The following ALS2 variants were observed in gnomAD, a reference collection of about 807,000 sequenced individuals.
ALS2 encodes alsin Rho guanine nucleotide exchange factor ALS2, also known as alsin.
In ALS2, 117 loss-of-function variants were observed where a neutral mutation model predicts 203.4. The ratio of observed to expected loss-of-function variants is 0.58; its 90% CI spans 0.50 to 0.67. ALS2 has a LOEUF of 0.67. Among genes scored for constraint, ALS2 ranks in the 30% least tolerant of loss-of-function variants. The pLI, the probability that ALS2 is intolerant of heterozygous loss-of-function variation, is 0.00. For missense variants in ALS2, 1,715 were observed against 1,989.4 expected (o/e 0.86, Z 2.62); for synonymous variants, 718 against 725.9 (o/e 0.99, Z 0.17).
intron 1 of ALS2, among the ~76,000 whole-genome samples, chr2:201,775,158 G>C (rs1411890165): frequency 6.6e-6 from 1 of 152,180 alleles, no homozygotes; most frequent in Non-Finnish European, 1.5e-5. Context: ...TAATAGGTGA[G>C]TAAACTGTAT....
intron 5 of ALS2, among the ~76,000 whole-genome samples, chr2:201,756,294 A>G (rs1693380573): frequency 6.6e-6 from 1 of 151,086 alleles, no homozygotes; most frequent in South Asian, 2.1e-4. Context: ...CTTCTTATAC[A>G]TCATATATAT....
At chr2:201,722,640 C>G (rs1469934000) in intron 23 of ALS2, 1 of 168,498 alleles carries the variant, frequency 5.9e-6, no homozygotes. Flanking sequence ...CACTATTCAG[C>G]CATAAAAAGG....
intron 25 of ALS2, among the ~76,000 whole-genome samples, chr2:201,713,944 C>CA (rs1436392015): frequency 6.6e-6 from 1 of 152,106 alleles, no homozygotes; most frequent in African/African-American, 2.4e-5. Context: ...AGAATGTTGA[C>CA]ATTCATAAAA....
Position 201,761,428 on chromosome 2 carries a change from A to G in ALS2, c.566T>C (p.Val189Ala). 1 of 1,607,786 alleles carries G rather than the reference A, an allele frequency of 6.2e-7. No homozygotes were observed. Among genetic ancestry groups the G allele is most frequent in the South Asian group, 1.1e-5 (1 of 90,672 alleles). ...QLGLITTAFP[V>A]TKPQKVEHLA... is the part of the protein sequence containing the mutation. ...ATGTTCTACCTTTTGCGGCTTTGTC[A>G]CTGGGAAGGCAGTGGTAATGAGACC... Residue 189 changes from valine (V) to alanine (A), a missense_variant, in exon 4 of 34, where the codon GTG becomes GCG. Physicochemically the swap from Val to Ala is moderately conservative, Grantham distance 64. Coordinates refer to ENST00000264276, the MANE Select transcript of ALS2 (RefSeq NM_020919.4).
intron 13 of ALS2, among the ~76,000 whole-genome samples, chr2:201,730,434 G>C (rs1306180342): frequency 1.3e-5 from 2 of 152,108 alleles, no homozygotes; most frequent in Non-Finnish European, 2.9e-5. Context: ...CTAAGTATCA[G>C]GAAACTGTCA....
At position 201,710,052 on chromosome 2, in the gene ALS2, G is replaced by A. The variant is rs1193401013; in HGVS notation, c.4123-14C>T. On this transcript the variant is annotated splice_polypyrimidine_tract_variant and intron_variant, in intron 26 of 33. Transcript: ENST00000264276. Reference sequence around the variant, plus strand: ...AGTGTCACAGGCCTGAGTAGGAAAAGAATCAATGAAGTCAGTTGATGTGCA... The same window carrying A: ...AGTGTCACAGGCCTGAGTAGGAAAAAAATCAATGAAGTCAGTTGATGTGCA... 1 of 1,613,576 alleles carries A rather than the reference G, an allele frequency of 6.2e-7. No individual in the cohort carries two copies.
intron 1 of ALS2, among the ~76,000 whole-genome samples, chr2:201,778,954 T>C (rs930564629): frequency 9.2e-5 from 14 of 152,186 alleles, no homozygotes; most frequent in Non-Finnish European, 1.5e-4. Context: ...TAATAAATAA[T>C]TGTAGATTTT....
chr2:201,731,862 C>G (rs8179725), intron 13 of ALS2, among the ~76,000 whole-genome samples: 41,594 of 151,914 alleles, frequency 0.27, 6,190 homozygotes, highest in South Asian at 0.43. Context: ...GAAAGAGAAC[C>G]AATATAGTCA....
At chr2:201,732,521 T>G (rs1188848608) in intron 13 of ALS2, among the ~76,000 whole-genome samples, 1 of 151,952 alleles carries the variant, frequency 6.6e-6, no homozygotes, top group Non-Finnish European at 1.5e-5. Context: ...TGAGCCAAGA[T>G]TGCGCCACTG....
rs115712995 is a variant in ALS2 at position 201,746,536 on chromosome 2, T to C, written c.1998+30A>G. 3,178 of 1,612,176 alleles carry C rather than the reference T, an allele frequency of 2.0e-3. 49 individuals carry two copies. The African/African-American group carries it at 0.037, about 19-fold the overall frequency. On this transcript the variant is annotated intron_variant, in intron 9 of 33. Transcript: ENST00000264276. Reference sequence around the variant, plus strand: ...AAAAGACTTCTTATGTGTTACTGAATGTGGGCCTTAGGATCCAATTCCTGT... The same window carrying C: ...AAAAGACTTCTTATGTGTTACTGAACGTGGGCCTTAGGATCCAATTCCTGT...
chr2:201,779,358 T>G (rs1694797500), intron 1 of ALS2, among the ~76,000 whole-genome samples: 1 of 152,254 alleles, frequency 6.6e-6, no homozygotes, highest in Admixed American at 6.5e-5. Flanking sequence ...CTTGCTATAA[T>G]TATGAATTTT....
At position 201,701,128 on chromosome 2, in the gene ALS2, G is replaced by A. The variant is rs1206546998; in HGVS notation, c.*723C>T. On this transcript the variant is annotated 3_prime_UTR_variant, in exon 34 of 34. Transcript: ENST00000264276. The stretch of plus-strand genomic sequence containing the variant: ...TCAGAGTCGGTGTCTGAATTCCAGT[G>A]TATTCACTCTCTGTAGCATGATAAA... 1 of 152,578 alleles carries A rather than the reference G, an allele frequency of 6.6e-6. No individual in the cohort carries two copies. Among genetic ancestry groups the A allele is most frequent in the Non-Finnish European group, 1.5e-5 (1 of 68,044 alleles). 9.5% of individuals were successfully genotyped at this position (152,578 alleles called of 1,614,324 possible).
At position 201,761,072 on chromosome 2, in the gene ALS2, C is replaced by T; in HGVS notation, c.922G>A (p.Val308Ile). The change falls in exon 4 of 34, where the codon GTA becomes ATA. Residue 308 changes from valine (V) to isoleucine (I), a missense_variant. Around this residue, in one of 3 missense-constraint regions of ALS2, gnomAD observed 476 missense variants for 539.3 expected, o/e 0.88. Transcript: ENST00000264276. ...TCGCTGCTTGTGATCTGAGCACTTA[C>T]TGCATTCAGTTCAGTAGCAACAGAC... is the stretch of plus-strand genomic sequence containing the variant. Reference protein sequence around the residue: ...DQSVATELNAVSAQITSSDAM... With the variant: ...DQSVATELNAISAQITSSDAM... 1.2e-6 allele frequency: 2 copies of T among 1,614,162 alleles called. No homozygotes were observed. The highest frequency in any genetic ancestry group is 2.2e-5 in the East Asian group (1 of 44,880).
intron 25 of ALS2, among the ~76,000 whole-genome samples, chr2:201,714,868 T>A (rs1288463520): frequency 6.6e-6 from 1 of 152,162 alleles, no homozygotes; most frequent in East Asian, 1.9e-4. Flanking sequence ...ACAAACAACT[T>A]TATGGGCTTG....
Position 201,746,845 on chromosome 2 carries a change from G to C in ALS2, c.1816-97C>G, listed in dbSNP as rs539395885. On this transcript the variant is annotated intron_variant, in intron 8 of 33. Transcript: ENST00000264276. ...GAAACGTTAGGTTGCTTAAATAAGC[G>C]TGGTGCAGTCAGTCATATCTGAGAG... is the stretch of plus-strand genomic sequence containing the variant. The C allele has an allele frequency of 1.5e-4, 208 of 1,396,168 alleles. 2 individuals carry two copies. In the South Asian group the frequency reaches 2.3e-3, roughly 15 times the overall value. The allele number at this position is 1,396,168 out of a possible 1,614,324, so 86.5% of individuals were successfully genotyped here.
intron 21 of ALS2, among the ~76,000 whole-genome samples, chr2:201,724,043 A>C (rs1690992428): frequency 6.6e-6 from 1 of 152,158 alleles, no homozygotes; most frequent in South Asian, 2.1e-4. Context: ...CCTTGAACCC[A>C]GGAGGCAGAG....
rs768611381 is a variant in ALS2, at chr2:201,726,722, G to A, written c.3124C>T (p.Pro1042Ser). 6.2e-7 allele frequency: 1 copy of A among 1,614,182 alleles called. No individual in the cohort carries two copies. The highest frequency in any genetic ancestry group is 8.5e-7 in the Non-Finnish European group (1 of 1,180,042). The change falls in exon 18 of 34, where the codon CCT becomes TCT. Residue 1042 changes from proline to serine, a missense_variant. By Grantham distance (74) the Pro-to-Ser change is moderately conservative. Around this residue, in one of 3 missense-constraint regions of ALS2, gnomAD observed 1,227 missense variants for 1,413.5 expected, o/e 0.87. Coordinates refer to ENST00000264276, the MANE Select transcript of ALS2 (RefSeq NM_020919.4). ...TCATAGGTGGCATCCTTTAGGCGAG[G>A]ATCCTTGTAGAAAGTATATTTGGCA... ...RSAKYTFYKD[P>S]RLKDATYDGR... is the part of the protein sequence containing the mutation.
In ALS2 at chr2:201,729,094, T is replaced by C; in HGVS notation, c.2670A>G (p.Glu890=). The change falls in exon 14 of 34, where the codon GAA becomes GAG. Residue 890 remains glutamate (E), a synonymous_variant. Coordinates refer to ENST00000264276, the MANE Select transcript of ALS2 (RefSeq NM_020919.4). The stretch of plus-strand genomic sequence containing the variant: ...AGGTCTTCCAGAAGCCCAGTGTGTA[T>C]TCTGCTTCCTTCCTTTTCCTGCCGA... The part of the protein sequence containing the change: ...LHLGRKRKEA[E]YTLGFWKTFP... The C allele has an allele frequency of 6.2e-7, 1 of 1,614,156 alleles. No individual in the cohort carries two copies. The highest frequency in any genetic ancestry group is 8.5e-7 in the Non-Finnish European group (1 of 1,180,030).
Position 201,706,885 on chromosome 2 carries a change from T to C in ALS2, c.4541A>G (p.Gln1514Arg). The change falls in exon 29 of 34, where the codon CAG becomes CGG. Residue 1514 changes from glutamine to arginine, a missense_variant. By Grantham distance (43) the Gln-to-Arg change is conservative. This residue lies in a region of ALS2 where 1,227 missense variants were observed against 1,413.5 expected (regional missense o/e 0.87). Coordinates refer to ENST00000264276, the MANE Select transcript of ALS2 (RefSeq NM_020919.4). ...AAAGCCCAGGAGAGCAATATCTGGC[T>C]GCTTATTTAGTCGAAGGACACATTC... ...YWECVLRLNK[Q>R]PDIALLGFLG... 4 of 1,614,102 alleles carry C rather than the reference T, an allele frequency of 2.5e-6. No individual in the cohort carries two copies. Among genetic ancestry groups the C allele is most frequent in the Non-Finnish European group, 3.4e-6 (4 of 1,179,980 alleles).
Sources: gnomAD v4.1 joint callset for allele counts (sites outside exome capture counted in the v4.1 genomes callset) on GRCh38, gnomAD v4.1.1 for gene constraint, gnomAD v4.1.1 regional missense constraint, MANE v1.5 for transcripts, NCBI Gene and HGNC (gene_info 2026-07-23, HGNC 2026-07-21) for gene names.